Variants in PAPLN observed in about 807,000 individuals in gnomAD.
The protein encoded by PAPLN is papilin.
In PAPLN, 146 loss-of-function variants were observed where a neutral mutation model predicts 159.0. That is an observed-to-expected ratio of 0.92 (90% CI 0.80 to 1.05). PAPLN has a LOEUF of 1.05. Among genes scored for constraint, PAPLN ranks in the 50% least tolerant of loss-of-function variants. PAPLN has a pLI of 0.00. For missense variants in PAPLN, 1,720 were observed against 1,743.9 expected (o/e 0.99, Z 0.24); for synonymous variants, 734 against 702.9 (o/e 1.04, Z -0.70).
At chr14:73,250,234 A>T (rs1258863913) in intron 6 of PAPLN, 120 bp downstream of exon 6, 1 of 1,311,852 alleles carries the variant, frequency 7.6e-7, no homozygotes, top group Non-Finnish European at 1.0e-6. Context: ...TTCTCAAGTT[A>T]CCAGGACACC....
At position 73,245,364 on chromosome 14, in the gene PAPLN, T is replaced by C. The variant is rs1566672674; in HGVS notation, c.171-272T>C. ...TATTATATCTCATGCACCTCGGGTC[T>C]TCTCTGGGAATCTGCCTAAGATGCA... On this transcript the variant is annotated intron_variant, in intron 3 of 26. Transcript: ENST00000644200. This position sits in a 1 kb window ranked among gnomAD's most constrained non-coding sequence, Gnocchi z 4.2. 2 of 500,786 alleles carry C rather than the reference T, an allele frequency of 4.0e-6. No individual in the cohort carries two copies. Among genetic ancestry groups the C allele is most frequent in the East Asian group, 3.5e-5 (1 of 28,746 alleles). 31.0% of individuals were successfully genotyped at this position (500,786 alleles called of 1,614,324 possible). A position where few individuals can be genotyped will look rare whatever the true frequency, so the allele number is the denominator to read the frequency against.
At chr14:73,254,091 C>A in intron 12 of PAPLN, 130 bp downstream of exon 12, 1 of 1,073,002 alleles carries the variant, frequency 9.3e-7, no homozygotes, top group Non-Finnish European at 1.3e-6. Context: ...ATCTTGGAAG[C>A]TGTGGCCAAG....
At position 73,239,853 on chromosome 14, in the gene PAPLN, GC is replaced by G. The variant is rs763962507; in HGVS notation, c.54+26del. The stretch of plus-strand genomic sequence containing the variant: ...CCTCGGTGAGTGCGGTCCTGCCCCG[GC>G]CCCCGGAGGAACCTGCAGGGGAGTC... On this transcript the variant is annotated intron_variant, in intron 2 of 26. Transcript: ENST00000644200. 3.8e-6 allele frequency: 6 copies of G among 1,566,658 alleles called. No individual in the cohort carries two copies. In the Admixed American group the frequency reaches 5.4e-5, roughly 14 times the overall value.
In PAPLN at chr14:73,252,734, C is replaced by T. The variant is rs1167347153; in HGVS notation, c.1053C>T (p.Asp351=). The T allele has an allele frequency of 6.2e-7, 1 of 1,613,634 alleles. No homozygotes were observed. The highest frequency in any genetic ancestry group is 8.5e-7 in the Non-Finnish European group (1 of 1,180,014). The part of the protein sequence containing the change: ...HMCQRQPRPA[D]RRSCNLHPCP... ...GCCAGCGCCAGCCACGGCCAGCTGA[C>T]CGGCGTTCCTGCAATCTTCACCCTT... Residue 351 remains aspartate (D), a synonymous_variant, in exon 11 of 27, where the codon GAC becomes GAT. Transcript: ENST00000644200.
chr14:73,239,057 C>T (rs182267829), intron 1 of PAPLN, among the ~76,000 whole-genome samples: 1 of 152,302 alleles, frequency 6.6e-6, no homozygotes, highest in Non-Finnish European at 1.5e-5. Context: ...TGGACCCGCC[C>T]CGCACACTGC....
At position 73,245,590 on chromosome 14, in the gene PAPLN, G is replaced by A. The variant is rs1266917522; in HGVS notation, c.171-46G>A. On this transcript the variant is annotated intron_variant, in intron 3 of 26. Transcript: ENST00000644200. This position sits in a 1 kb window ranked among gnomAD's most constrained non-coding sequence, Gnocchi z 4.2. ...GCAGAGAGCCCCAGAACGGGGGCAG[G>A]GACGTTGGGTCTCGGTCAGGTCTTC... 4.5e-6 allele frequency: 7 copies of A among 1,541,666 alleles called. No homozygotes were observed. The Admixed American group carries it at 5.9e-5, about 13-fold the overall frequency.
rs754112143 is a variant in PAPLN, at chr14:73,264,194, C to T, written c.2862-17C>T. On this transcript the variant is annotated splice_polypyrimidine_tract_variant and intron_variant, in intron 20 of 26. Coordinates refer to ENST00000644200, the MANE Select transcript of PAPLN (RefSeq NM_001365906.3). ...TGGGAGCCCAGAGCTCATGTCCTCC[C>T]ACACCACCCCACTCAGGCACAGGCT... 1.6e-5 allele frequency: 26 copies of T among 1,613,044 alleles called. No homozygotes were observed. The Admixed American group carries it at 2.7e-4, about 17-fold the overall frequency.
At chr14:73,262,939 G>C (rs1886754643) in intron 19 of PAPLN, 112 bp downstream of exon 19, 1 of 1,032,772 alleles carries the variant, frequency 9.7e-7, no homozygotes, top group Admixed American at 3.7e-5. Flanking sequence ...CCTAACTTCT[G>C]TTTCTCCCGA....
chr14:73,258,649 C>T (rs1461912743), intron 14 of PAPLN, among the ~76,000 whole-genome samples: 1 of 105,488 alleles, frequency 9.5e-6, no homozygotes, highest in Non-Finnish European at 1.9e-5. Flanking sequence ...GTAGTCCCAG[C>T]TACTCAGGGG....
At chr14:73,264,061 C>A (rs748667632) in intron 20 of PAPLN, 150 bp from the exon 21 acceptor site, 4 of 1,547,252 alleles carry the variant, frequency 2.6e-6, no homozygotes, top group Admixed American at 3.8e-5. Flanking sequence ...GTGACAGCCT[C>A]CCCTGAAGCA....
intron 20 of PAPLN, 103 bp downstream of exon 20, chr14:73,263,885 C>T: frequency 8.1e-7 from 1 of 1,241,492 alleles, no homozygotes; most frequent in South Asian, 1.3e-5. Flanking sequence ...ATAGGTGTGA[C>T]AGACCCCCTC....
At chr14:73,250,794 G>A (rs1253885684) in intron 6 of PAPLN, 113 bp from the exon 7 acceptor site, 25 of 1,310,668 alleles carry the variant, frequency 1.9e-5, no homozygotes, top group Admixed American at 3.2e-5. Flanking sequence ...AATCACTCCC[G>A]ACCACCCTAT....
intron 2 of PAPLN, 113 bp downstream of exon 2, chr14:73,239,945 G>A (rs1883360875): frequency 2.8e-6 from 4 of 1,441,968 alleles, no homozygotes; most frequent in Non-Finnish European, 3.6e-6. Flanking sequence ...GGGAAGCTGG[G>A]CTGGGAGGAG....
At chr14:73,261,097 G>C in intron 17 of PAPLN, 59 bp from the exon 18 acceptor site, 2 of 1,613,480 alleles carry the variant, frequency 1.2e-6, no homozygotes. Flanking sequence ...TGGCAGCCCA[G>C]AGTCCCCAAC....
At chr14:73,246,003 G>T in intron 4 of PAPLN, 70 bp from the exon 5 acceptor site, 1 of 1,406,540 alleles carries the variant, frequency 7.1e-7, no homozygotes, top group Non-Finnish European at 9.4e-7. Flanking sequence ...CCCTGGGCTC[G>T]GGCGGGGCGG....
rs1457001628 is a variant in PAPLN at position 73,254,599 on chromosome 14, C to T, written c.1389C>T (p.Cys463=). Residue 463 remains cysteine, a synonymous_variant, in exon 13 of 27, where the codon TGC becomes TGT. Coordinates refer to ENST00000644200, the MANE Select transcript of PAPLN (RefSeq NM_001365906.3). ...GTTCTTTGCTCCATACCGCAGCGTG[C>T]TCCTTGGAAGACCGGCCACCTCTGA... is the stretch of plus-strand genomic sequence containing the variant. ...ERGSLLHTAA[C]SLEDRPPLTE... The T allele has an allele frequency of 1.2e-6, 2 of 1,614,076 alleles. No homozygotes were observed. The highest frequency in any genetic ancestry group is 1.3e-5 in the African/African-American group (1 of 75,046).
At position 73,259,408 on chromosome 14, in the gene PAPLN, A is replaced by C. The variant is rs754063244; in HGVS notation, c.1848A>C (p.Pro616=). The change falls in exon 16 of 27, where the codon CCA becomes CCC. Residue 616 remains proline (P), a synonymous_variant. Coordinates refer to ENST00000644200, the MANE Select transcript of PAPLN (RefSeq NM_001365906.3). ...LGPAPSLQQP[P]YQQPLRSGSG... ...CCGCTCCCTCTCTGCAGCAGCCCCC[A>C]TACCAGCAACCCCTGCGGTCGGGCT... 104 of 1,612,514 alleles carry C rather than the reference A, an allele frequency of 6.4e-5. No individual in the cohort carries two copies. Among genetic ancestry groups the C allele is most frequent in the Non-Finnish European group, 8.6e-5 (102 of 1,179,550 alleles).
chr14:73,263,545 A>G, intron 19 of PAPLN, 100 bp from the exon 20 acceptor site: 1 of 1,508,896 alleles, frequency 6.6e-7, no homozygotes, highest in Non-Finnish European at 9.1e-7. Flanking sequence ...TGCCTGTGAC[A>G]GGATGGGCCC....
chr14:73,266,985 C>G (rs1402108440), intron 25 of PAPLN, among the ~76,000 whole-genome samples, 154 bp downstream of exon 25: 1 of 152,182 alleles, frequency 6.6e-6, no homozygotes, highest in Non-Finnish European at 1.5e-5. Flanking sequence ...ACCCTCATCC[C>G]TACAGAGCAA....
Sources: gnomAD v4.1 joint callset for allele counts (sites outside exome capture counted in the v4.1 genomes callset) on GRCh38, gnomAD v4.1.1 for gene constraint, Gnocchi (gnomAD v3.1) non-coding constraint, MANE v1.5 for transcripts, NCBI Gene and HGNC (gene_info 2026-07-23, HGNC 2026-07-21) for gene names.